Variants in AFF3 observed in about 807,000 individuals in gnomAD.
AFF3 encodes the protein AF4/FMR2 family member 3.
In AFF3, 32 loss-of-function variants were observed where a neutral mutation model predicts 129.7. That is an observed-to-expected ratio of 0.25 (90% confidence interval 0.19 to 0.33). The LOEUF is 0.33. Among genes scored for constraint, AFF3 ranks in the 10% least tolerant of loss-of-function variants. The pLI is 1.00. For missense variants in AFF3, 1,373 were observed against 1,592.0 expected, an observed-to-expected ratio of 0.86 and a Z score of 2.34; for synonymous variants, 644 against 635.4, an observed-to-expected ratio of 1.01 and a Z score of -0.20.
At chr2:99,892,890 A>G (rs548446059) in intron 7 of AFF3, among the ~76,000 whole-genome samples, 46 of 152,088 alleles carry the variant, frequency 3.0e-4, no homozygotes, top group African/African-American at 1.1e-3. Context: ...TTCTAAGATT[A>G]CCTCCCAGCT....
chr2:99,941,279 C>T (rs182248213), intron 7 of AFF3, among the ~76,000 whole-genome samples: 3 of 152,164 alleles, frequency 2.0e-5, no homozygotes, highest in African/African-American at 7.2e-5. Flanking sequence ...CCTCATAGGA[C>T]AGCAGGGATT....
intron 11 of AFF3, among the ~76,000 whole-genome samples, chr2:99,710,670 G>A (rs746950814): frequency 6.6e-6 from 1 of 152,146 alleles, no homozygotes; most frequent in Non-Finnish European, 1.5e-5. Context: ...GACACAAAAA[G>A]GTGAGTGCCT....
chr2:99,991,701 G>A (rs951109919), intron 7 of AFF3, among the ~76,000 whole-genome samples: 3 of 152,228 alleles, frequency 2.0e-5, no homozygotes, highest in South Asian at 2.1e-4. Context: ...TCAGGAGTTC[G>A]AGAGCAGCCT....
intron 9 of AFF3, among the ~76,000 whole-genome samples, chr2:99,747,260 C>A (rs1356732656): frequency 6.6e-6 from 1 of 152,120 alleles, no homozygotes; most frequent in African/African-American, 2.4e-5. Flanking sequence ...AAACTCCTGG[C>A]CTCAAGTGAT....
chr2:99,665,298 T>C (rs1311714379), intron 12 of AFF3, among the ~76,000 whole-genome samples: 2 of 152,166 alleles, frequency 1.3e-5, no homozygotes, highest in African/African-American at 4.8e-5. Context: ...AGAAATACAA[T>C]AGTTTATACC....
chr2:99,970,779 T>G (rs1370646411), intron 7 of AFF3, among the ~76,000 whole-genome samples: 1 of 152,132 alleles, frequency 6.6e-6, no homozygotes, highest in Non-Finnish European at 1.5e-5. Context: ...TATGTCTCCT[T>G]CCTGAAGAGC....
chr2:99,854,733 T>A (rs1690399731), intron 7 of AFF3, among the ~76,000 whole-genome samples: 1 of 152,114 alleles, frequency 6.6e-6, no homozygotes, highest in African/African-American at 2.4e-5. Context: ...CAACAGGAAG[T>A]CTTGAAAACA....
intron 13 of AFF3, among the ~76,000 whole-genome samples, chr2:99,602,012 T>G (rs550084320): frequency 5.3e-5 from 8 of 152,344 alleles, no homozygotes; most frequent in African/African-American, 1.7e-4. Context: ...AAGCTTGAAC[T>G]ATTTTGCAAA....
rs370879624 is a variant in AFF3, at chr2:99,622,753, A to G, written c.1185-21132T>C. 7.2e-5 allele frequency among the ~76,000 whole-genome samples: 11 copies of G among 152,232 alleles called. No individual in the cohort carries two copies. In the East Asian group the frequency reaches 1.3e-3, roughly 19 times the overall value. On this transcript the variant is annotated intron_variant, in intron 13 of 24. Coordinates refer to ENST00000672756, the MANE Select transcript of AFF3 (RefSeq NM_001386135.1). ...ATGACCTGTGCATCAGTGCTGGAGG[A>G]CAAGGCAGGCCTGCCGGGCTGCAGC...
chr2:99,757,066 G>T (rs1449750912), intron 8 of AFF3, among the ~76,000 whole-genome samples: 1 of 152,218 alleles, frequency 6.6e-6, no homozygotes, highest in African/African-American at 2.4e-5. Flanking sequence ...CACTCTCGGA[G>T]ATCTCATGCT....
At chr2:99,664,497 T>C (rs932683439) in intron 12 of AFF3, among the ~76,000 whole-genome samples, 5 of 152,272 alleles carry the variant, frequency 3.3e-5, no homozygotes, top group Non-Finnish European at 7.3e-5. Flanking sequence ...GAAGGGGCTA[T>C]AGACATTTCC....
chr2:100,031,758 A>C (rs1005740608), intron 4 of AFF3, among the ~76,000 whole-genome samples: 2 of 152,252 alleles, frequency 1.3e-5, no homozygotes, highest in African/African-American at 4.8e-5. Context: ...GCAACACAAT[A>C]AAGTAGTATT....
intron 8 of AFF3, among the ~76,000 whole-genome samples, chr2:99,819,050 G>A (rs904339544): frequency 1.3e-5 from 2 of 152,184 alleles, no homozygotes; most frequent in Admixed American, 1.3e-4. Flanking sequence ...CATTTATTAT[G>A]TCTGCAGCCA....
At chr2:100,107,295 T>G in intron 2 of AFF3, 1 of 985,374 alleles carries the variant, frequency 1.0e-6, no homozygotes, top group Non-Finnish European at 1.2e-6. Context: ...TCTTTATTAT[T>G]TATCTGGTTT....
At chr2:100,133,109 C>G (rs1314538721) in intron 1 of AFF3, among the ~76,000 whole-genome samples, 1 of 151,002 alleles carries the variant, frequency 6.6e-6, no homozygotes, top group African/African-American at 2.4e-5. Context: ...TTTTAAAAGA[C>G]TATATTGCTG....
rs77307733 is a variant in AFF3, at chr2:99,897,511, G to A, written c.874-59987C>T. ...GGTGGAGGCCTGCTCAGACCCACTC[G>A]GGTCTCTCTGCTCATGTTGGTCATC... On this transcript the variant is annotated intron_variant, in intron 7 of 24. Transcript: ENST00000672756. 4.6e-5 allele frequency among the ~76,000 whole-genome samples: 7 copies of A among 152,124 alleles called. No individual in the cohort carries two copies. In the South Asian group the frequency reaches 8.3e-4, roughly 18 times the overall value.
At chr2:99,577,971 A>T (rs1395880789) in intron 18 of AFF3, among the ~76,000 whole-genome samples, 1 of 152,238 alleles carries the variant, frequency 6.6e-6, no homozygotes, top group Non-Finnish European at 1.5e-5. Context: ...ATTATAATTT[A>T]CAAAAACAAC....
chr2:99,889,099 ATTCT>A (rs749486144), intron 7 of AFF3, among the ~76,000 whole-genome samples: 1 of 152,208 alleles, frequency 6.6e-6, no homozygotes, highest in Non-Finnish European at 1.5e-5. Flanking sequence ...TGATTTATCA[ATTCT>A]TTCTTTTTCT....
intron 4 of AFF3, among the ~76,000 whole-genome samples, chr2:100,058,191 G>A (rs1686960133): frequency 6.6e-6 from 1 of 152,118 alleles, no homozygotes; most frequent in Non-Finnish European, 1.5e-5. Flanking sequence ...TGATTTCATG[G>A]ATTCTTCTCA....
Sources: allele counts gnomAD v4.1 joint callset (sites outside exome capture counted in the v4.1 genomes callset), GRCh38; gene constraint gnomAD v4.1.1; transcripts MANE v1.5; gene names NCBI Gene and HGNC (gene_info 2026-07-23, HGNC 2026-07-21).